Variants in TSHZ3 observed in about 807,000 individuals in gnomAD.
The protein encoded by TSHZ3 is teashirt zinc finger homeobox 3.
Under a neutral mutation model 64.5 loss-of-function variants are expected in TSHZ3, and 10 were observed. The observed-to-expected ratio is 0.16, with a 90% CI of 0.10 to 0.26. TSHZ3 has a LOEUF of 0.26. Among genes scored for constraint, TSHZ3 ranks in the 10% least tolerant of loss-of-function variants. TSHZ3 has a pLI of 1.00. For synonymous variants in TSHZ3, 608 were observed against 593.1 expected (o/e 1.03, Z -0.36); for missense variants, 1,242 against 1,421.7 (o/e 0.87, Z 2.03).
At chr19:31,339,800 A>AC (rs200493091) in intron 1 of TSHZ3, among the ~76,000 whole-genome samples, 1,601 of 151,166 alleles carry the variant, frequency 0.011, 38 homozygotes, top group African/African-American at 0.038. Flanking sequence ...AAAAAGGAAA[A>AC]AAAAAAGGGG....
At position 31,158,996 on chromosome 19, in the gene TSHZ3, CGTTT is replaced by C. The variant is rs138149445; in HGVS notation, n.810-2583_810-2580del. 6.6e-5 allele frequency among the ~76,000 whole-genome samples: 10 copies of C among 152,124 alleles called. No individual in the cohort carries two copies. In the South Asian group the frequency reaches 1.2e-3, roughly 19 times the overall value. The stretch of plus-strand genomic sequence containing the variant: ...CTTTCTCTTATGCCTCCCTCTTCTA[CGTTT>C]GTTTGTTTGTTTGTTTTGAGACGGA... On this transcript the variant is annotated intron_variant and non_coding_transcript_variant, in intron 5 of 6. Coordinates refer to the TSHZ3 transcript ENST00000651361.
At chr19:31,291,455 G>A (rs10418643) in intron 1 of TSHZ3, among the ~76,000 whole-genome samples, 14,532 of 152,164 alleles carry the variant, frequency 0.096, 1,518 homozygotes, top group African/African-American at 0.25. Flanking sequence ...AGGCCAGAAC[G>A]TCAGGAAGCT....
exon 7 of TSHZ3, among the ~76,000 whole-genome samples, chr19:31,150,740 C>CT (rs1568330658): frequency 6.6e-6 from 1 of 152,250 alleles, no homozygotes; most frequent in African/African-American, 2.4e-5. Flanking sequence ...TTCCAGGTAT[C>CT]TTTTTTTGTA....
At chr19:31,226,973 C>CTTTTTTTTTTT (rs1255178594) in intron 4 of TSHZ3, among the ~76,000 whole-genome samples, 14 of 68,140 alleles carry the variant, frequency 2.1e-4, no homozygotes, top group African/African-American at 1.2e-3. Context: ...TTCTTTCTTT[C>CTTTTTTTTTTT]TTTCTTTTTT....
At chr19:31,193,348 C>T (rs553558897) in intron 5 of TSHZ3, among the ~76,000 whole-genome samples, 1 of 152,178 alleles carries the variant, frequency 6.6e-6, no homozygotes, top group East Asian at 1.9e-4. Flanking sequence ...CCTCCACACT[C>T]TTATTCTCCT....
intron 5 of TSHZ3, among the ~76,000 whole-genome samples, chr19:31,193,949 A>G (rs1193097986): frequency 6.6e-6 from 1 of 152,212 alleles, no homozygotes; most frequent in Non-Finnish European, 1.5e-5. Flanking sequence ...TCTTAACAAC[A>G]TGTAAAAAGC....
chr19:31,290,749 G>A (rs1976550563), intron 1 of TSHZ3, among the ~76,000 whole-genome samples: 1 of 152,010 alleles, frequency 6.6e-6, no homozygotes, highest in Admixed American at 6.5e-5. Flanking sequence ...CCAGAAACCA[G>A]GGGAATACCC....
intron 3 of TSHZ3, among the ~76,000 whole-genome samples, chr19:31,236,623 G>A (rs561105231): frequency 3.3e-5 from 5 of 151,908 alleles, no homozygotes; most frequent in African/African-American, 1.2e-4. Flanking sequence ...TTCCTTTGCT[G>A]TAATGAAATC....
intron 1 of TSHZ3, among the ~76,000 whole-genome samples, chr19:31,306,137 G>A (rs949122630): frequency 2.0e-5 from 3 of 152,156 alleles, no homozygotes; most frequent in Admixed American, 1.3e-4. Context: ...CCCACGAGAC[G>A]ACGGCACACC....
At chr19:31,337,720 A>AACACACAC (rs372251116) in intron 1 of TSHZ3, among the ~76,000 whole-genome samples, 8,473 of 146,008 alleles carry the variant, frequency 0.058, 532 homozygotes, top group African/African-American at 0.16. Context: ...TTTCAAAATA[A>AACACACAC]ACACACACAC....
chr19:31,277,623 C>A lies in TSHZ3; in HGVS notation c.2170G>T (p.Ala724Ser). 1 of 1,569,444 alleles carries A rather than the reference C, an allele frequency of 6.4e-7. No individual in the cohort carries two copies. The highest frequency in any genetic ancestry group is 8.6e-7 in the Non-Finnish European group (1 of 1,158,308). The change falls in exon 2 of 2, where the codon GCC (alanine) becomes TCC (serine). Residue 724 changes from alanine (A) to serine (S), a missense_variant. Physicochemically the swap from Ala to Ser is moderately conservative, Grantham distance 99. Coordinates refer to ENST00000240587, the MANE Select transcript of TSHZ3 (RefSeq NM_020856.4). This position sits in a 1 kb window ranked among gnomAD's most constrained non-coding sequence, Gnocchi z 4.5. ...PEQPFVNPLS[A>S]LQSVMNIHLG... Reference sequence around the variant, plus strand: ...TGAATGTTCATGACTGACTGCAGGGCGCTCAAAGGGTTAACAAAAGGCTGT... The same window carrying A: ...TGAATGTTCATGACTGACTGCAGGGAGCTCAAAGGGTTAACAAAAGGCTGT...
intron 1 of TSHZ3, among the ~76,000 whole-genome samples, chr19:31,313,250 T>C (rs971328554): frequency 2.0e-5 from 3 of 152,230 alleles, no homozygotes; most frequent in African/African-American, 7.2e-5. Flanking sequence ...GTCAGGTTTC[T>C]ATTAAAACCT....
intron 1 of TSHZ3, among the ~76,000 whole-genome samples, chr19:31,319,226 T>C (rs1916694419): frequency 6.6e-6 from 1 of 152,230 alleles, no homozygotes; most frequent in Non-Finnish European, 1.5e-5. Flanking sequence ...AGGCTATGAA[T>C]AGCACCTGCC....
At chr19:31,330,742 A>G (rs1760535270) in intron 1 of TSHZ3, among the ~76,000 whole-genome samples, 1 of 151,558 alleles carries the variant, frequency 6.6e-6, no homozygotes, top group Non-Finnish European at 1.5e-5. Flanking sequence ...CCTATGGGTC[A>G]TGAAGCAGCC....
intron 1 of TSHZ3, among the ~76,000 whole-genome samples, chr19:31,299,335 A>G (rs893125741): frequency 4.6e-5 from 7 of 152,200 alleles, no homozygotes; most frequent in African/African-American, 1.7e-4. Context: ...CACTTGAAAA[A>G]TGGGACAATA....
At chr19:31,200,988 A>C (rs1319643525) in intron 5 of TSHZ3, among the ~76,000 whole-genome samples, 2 of 134,428 alleles carry the variant, frequency 1.5e-5, no homozygotes, top group Non-Finnish European at 3.4e-5. Context: ...GTATAATTAA[A>C]GCAGTGTGGT....
At chr19:31,160,747 T>C (rs1974365487) in intron 5 of TSHZ3, among the ~76,000 whole-genome samples, 3 of 151,566 alleles carry the variant, frequency 2.0e-5, no homozygotes, top group Admixed American at 6.6e-5. Flanking sequence ...CACACACACA[T>C]ACACAAAACT....
intron 5 of TSHZ3, among the ~76,000 whole-genome samples, chr19:31,160,235 G>A (rs1322911351): frequency 6.6e-6 from 1 of 152,148 alleles, no homozygotes; most frequent in Non-Finnish European, 1.5e-5. Flanking sequence ...AGGAGCACAG[G>A]CTGTGGACTC....
chr19:31,251,654 A>G (rs191179359), intron 1 of TSHZ3, among the ~76,000 whole-genome samples: 22 of 152,308 alleles, frequency 1.4e-4, no homozygotes, highest in Non-Finnish European at 2.6e-4. Flanking sequence ...GAACCTTTGC[A>G]TCTGTCCAGT....
Sources: allele counts gnomAD v4.1 joint callset (sites outside exome capture counted in the v4.1 genomes callset), GRCh38; gene constraint gnomAD v4.1.1; non-coding constraint Gnocchi (gnomAD v3.1); transcripts MANE v1.5; gene names NCBI Gene and HGNC (gene_info 2026-07-23, HGNC 2026-07-21).